The following ANKFN1 variants were observed in gnomAD, a reference collection of about 807,000 sequenced individuals.
ANKFN1 encodes the protein ankyrin repeat and fibronectin type III domain containing 1, also known as ankyrin repeat and fibronectin type-III domain-containing protein 1.
Under a neutral mutation model 108.7 loss-of-function variants are expected in ANKFN1, and 74 were observed. The ratio of observed to expected loss-of-function variants is 0.68; its 90% CI spans 0.56 to 0.83. The LOEUF is 0.83. Among genes scored for constraint, ANKFN1 ranks in the 40% least tolerant of loss-of-function variants. The probability of loss-of-function intolerance (pLI) is 0.00; values close to 1 mark genes in which losing one functional copy is unlikely to be tolerated. For missense variants in ANKFN1, 1,505 were observed against 1,382.3 expected, an observed-to-expected ratio of 1.09 and a Z score of -1.41; for synonymous variants, 547 against 516.2, an observed-to-expected ratio of 1.06 and a Z score of -0.81.
At chr17:56,137,642 G>C (rs573531625) in intron 4 of ANKFN1, among the ~76,000 whole-genome samples, 4 of 152,070 alleles carry the variant, frequency 2.6e-5, no homozygotes, top group Non-Finnish European at 5.9e-5. Context: ...CCTACCGATC[G>C]GAGAGGGGAA....
chr17:56,462,364 G>A (rs528402009), intron 14 of ANKFN1, among the ~76,000 whole-genome samples: 1 of 152,212 alleles, frequency 6.6e-6, no homozygotes, highest in Non-Finnish European at 1.5e-5. Flanking sequence ...GGAGGCCAAG[G>A]CGGGCAGATC....
In ANKFN1 at chr17:56,494,108, C is replaced by T. The variant is rs181777391; in HGVS notation, c.2427+1755C>T. Among the ~76,000 whole-genome samples, 23 of 152,212 alleles carry T rather than the reference C, an allele frequency of 1.5e-4. 1 individual carries two copies. Among genetic ancestry groups the T allele is most frequent in the East Asian group, 1.9e-4 (1 of 5,188 alleles). On this transcript the variant is annotated intron_variant, in intron 19 of 20. Coordinates refer to ENST00000682825, the MANE Select transcript of ANKFN1 (RefSeq NM_001370326.1). ...CTTTGACATATGAATATGTGAGATTCGAGGTGTTTGAAACACTCAGGAAGA... is the reference window on the plus strand; with the variant it reads ...CTTTGACATATGAATATGTGAGATTTGAGGTGTTTGAAACACTCAGGAAGA...
chr17:56,193,478 A>G (rs1913196027), intron 1 of ANKFN1, among the ~76,000 whole-genome samples: 1 of 151,864 alleles, frequency 6.6e-6, no homozygotes, highest in Non-Finnish European at 1.5e-5. Flanking sequence ...AAACAAAAAA[A>G]ATACAGCTAG....
chr17:56,265,660 C>G (rs1324449208), intron 3 of ANKFN1, among the ~76,000 whole-genome samples: 1 of 152,084 alleles, frequency 6.6e-6, no homozygotes, highest in Non-Finnish European at 1.5e-5. Flanking sequence ...TCCAGGACCC[C>G]CATGGATACC....
intron 3 of ANKFN1, among the ~76,000 whole-genome samples, chr17:56,261,271 A>G (rs2043503485): frequency 6.6e-6 from 1 of 152,212 alleles, no homozygotes; most frequent in African/African-American, 2.4e-5. Context: ...AAAAACTGCC[A>G]TTGTTAGAAG....
chr17:56,409,993 A>G (rs1466122713), intron 8 of ANKFN1, among the ~76,000 whole-genome samples: 2 of 152,194 alleles, frequency 1.3e-5, no homozygotes, highest in Non-Finnish European at 2.9e-5. Context: ...AAAAAAACTG[A>G]AAGTAGAGTA....
intron 4 of ANKFN1, among the ~76,000 whole-genome samples, chr17:56,110,803 G>A (rs1941735626): frequency 1.3e-5 from 2 of 152,192 alleles, no homozygotes; most frequent in Admixed American, 1.3e-4. Context: ...AACCTAAAAT[G>A]TCAGGTCCCT....
At chr17:56,344,477 G>A (rs943421270) in intron 4 of ANKFN1, among the ~76,000 whole-genome samples, 1 of 151,974 alleles carries the variant, frequency 6.6e-6, no homozygotes, top group South Asian at 2.1e-4. Context: ...TGCTTGCAGA[G>A]CCATGAAGTC....
chr17:56,273,347 G>C (rs2043840026), intron 3 of ANKFN1, among the ~76,000 whole-genome samples: 1 of 151,894 alleles, frequency 6.6e-6, no homozygotes, highest in Non-Finnish European at 1.5e-5. Flanking sequence ...GCCATTCTTT[G>C]TTTGACACTT....
At chr17:56,335,423 G>C (rs952640075) in intron 4 of ANKFN1, among the ~76,000 whole-genome samples, 1 of 152,112 alleles carries the variant, frequency 6.6e-6, no homozygotes, top group South Asian at 2.1e-4. Context: ...TCTCCTTGAA[G>C]AGGCCCTTCA....
chr17:56,204,660 T>C (rs1416970338), intron 1 of ANKFN1, among the ~76,000 whole-genome samples: 1 of 152,128 alleles, frequency 6.6e-6, no homozygotes, highest in Non-Finnish European at 1.5e-5. Context: ...TTTATGATCA[T>C]ACATTACGGA....
At chr17:56,383,031 C>T (rs4435319) in intron 8 of ANKFN1, among the ~76,000 whole-genome samples, 88,103 of 151,836 alleles carry the variant, frequency 0.58, 28,775 homozygotes, top group East Asian at 0.96. Context: ...TATACATTTT[C>T]TTCAGCACCA....
chr17:56,096,078 T>A (rs1397349287), intron 4 of ANKFN1, among the ~76,000 whole-genome samples: 3 of 152,236 alleles, frequency 2.0e-5, no homozygotes, highest in African/African-American at 7.2e-5. Context: ...TGTAAGGTTG[T>A]TGTTAGCACT....
At chr17:56,445,592 T>G (rs2049260121) in intron 10 of ANKFN1, among the ~76,000 whole-genome samples, 1 of 152,220 alleles carries the variant, frequency 6.6e-6, no homozygotes, top group South Asian at 2.1e-4. Context: ...AACACTCCTA[T>G]TTATAAACAG....
At chr17:56,287,955 T>C (rs1392380828) in intron 3 of ANKFN1, among the ~76,000 whole-genome samples, 1 of 152,152 alleles carries the variant, frequency 6.6e-6, no homozygotes, top group Non-Finnish European at 1.5e-5. Context: ...TTAACACAAT[T>C]GCCAGGCCTT....
intron 4 of ANKFN1, among the ~76,000 whole-genome samples, chr17:56,333,087 C>T (rs1287414932): frequency 4.0e-5 from 6 of 151,666 alleles, no homozygotes; most frequent in Non-Finnish European, 8.8e-5. Flanking sequence ...TTAGATTATT[C>T]TATGTAAACT....
Position 56,350,799 on chromosome 17 carries a change from A to G in ANKFN1, c.222A>G (p.Gln74=). 6.2e-7 allele frequency: 1 copy of G among 1,613,778 alleles called. No individual in the cohort carries two copies. Among genetic ancestry groups the G allele is most frequent in the Non-Finnish European group, 8.5e-7 (1 of 1,179,812 alleles). The part of the protein sequence containing the change: ...NCRVKMTQQM[Q]NLHLCQSKKH... ...GTGTGAAAATGACGCAACAAATGCAAAATTTACATCTCTGTCAGTCAAAAA... is the reference window on the plus strand; with the variant it reads ...GTGTGAAAATGACGCAACAAATGCAGAATTTACATCTCTGTCAGTCAAAAA... Residue 74 remains glutamine (Q), a synonymous_variant, in exon 5 of 21, where the codon CAA becomes CAG. Transcript: ENST00000682825.
chr17:56,161,789 G>C (rs1271265203), intron 1 of ANKFN1, among the ~76,000 whole-genome samples: 3 of 151,880 alleles, frequency 2.0e-5, no homozygotes, highest in East Asian at 3.9e-4. Flanking sequence ...TTCATGAATT[G>C]AATTAGAAAT....
intron 3 of ANKFN1, among the ~76,000 whole-genome samples, chr17:56,237,226 T>C (rs914969884): frequency 6.6e-6 from 1 of 152,152 alleles, no homozygotes; most frequent in African/African-American, 2.4e-5. Flanking sequence ...GTTTTTGTTG[T>C]TGTTGTGTCT....
Sources: allele counts gnomAD v4.1 joint callset (sites outside exome capture counted in the v4.1 genomes callset), GRCh38; gene constraint gnomAD v4.1.1; transcripts MANE v1.5; gene names NCBI Gene and HGNC (gene_info 2026-07-23, HGNC 2026-07-21).